The following EYA4 variants were observed in gnomAD, a reference collection of about 807,000 sequenced individuals.
EYA4 encodes EYA transcriptional coactivator and phosphatase 4, also known as protein phosphatase EYA4.
In EYA4, 31 loss-of-function variants were observed where a neutral mutation model predicts 87.9. The ratio of observed to expected loss-of-function variants is 0.35; its 90% CI spans 0.27 to 0.48. The LOEUF is 0.48. Ranked by LOEUF, EYA4 falls within the 20% of genes least tolerant of loss-of-function variation. EYA4 has a pLI of 0.99. For synonymous variants in EYA4, 263 were observed against 270.6 expected (o/e 0.97, Z 0.28); for missense variants, 678 against 761.4 (o/e 0.89, Z 1.29).
intron 11 of EYA4, among the ~76,000 whole-genome samples, chr6:133,480,461 C>A (rs1796107645): frequency 6.6e-6 from 1 of 152,122 alleles, no homozygotes; most frequent in African/African-American, 2.4e-5. Context: ...AGTGCTGCAG[C>A]CACTGGCCAC....
At chr6:133,302,263 C>T (rs1779469794) in intron 2 of EYA4, among the ~76,000 whole-genome samples, 1 of 151,936 alleles carries the variant, frequency 6.6e-6, no homozygotes, top group South Asian at 2.1e-4. Context: ...ATTTCTCTAG[C>T]AATGGTGTAG....
At chr6:133,334,248 A>G (rs896266660) in intron 2 of EYA4, among the ~76,000 whole-genome samples, 2 of 152,384 alleles carry the variant, frequency 1.3e-5, no homozygotes. Flanking sequence ...ATCCGATTTT[A>G]AAGACTAAAT....
At chr6:133,391,655 T>C (rs1184383152) in intron 3 of EYA4, among the ~76,000 whole-genome samples, 1 of 152,122 alleles carries the variant, frequency 6.6e-6, no homozygotes, top group Non-Finnish European at 1.5e-5. Flanking sequence ...ATTATCTCAG[T>C]TCCAGATTTC....
intron 2 of EYA4, among the ~76,000 whole-genome samples, chr6:133,342,498 G>A (rs9493599): frequency 0.096 from 13,888 of 144,376 alleles, 787 homozygotes; most frequent in South Asian, 0.14. Context: ...AGTGAGCTCT[G>A]AGCTTTGGTC....
chr6:133,495,371 T>A (rs983293555), intron 13 of EYA4, among the ~76,000 whole-genome samples: 1 of 147,972 alleles, frequency 6.8e-6, no homozygotes, highest in Non-Finnish European at 1.5e-5. Context: ...TATTTATAAA[T>A]AAATATAAAT....
Position 133,256,056 on chromosome 6 carries a change from A to T in EYA4, c.-66+14307A>T, listed in dbSNP as rs114837443. 5.6e-3 allele frequency among the ~76,000 whole-genome samples: 848 copies of T among 151,972 alleles called. 10 individuals are homozygous for T. The highest frequency in any genetic ancestry group is 0.019 in the African/African-American group (801 of 41,504). ...CTTTCTCACAAAAACCAGGTGCAAA[A>T]ATTTCAACTTAATTGAACCTTGTAA... On this transcript the variant is annotated intron_variant, in intron 1 of 19. Transcript: ENST00000355286.
chr6:133,463,435 C>T (rs765852153), intron 9 of EYA4, among the ~76,000 whole-genome samples: 4 of 144,568 alleles, frequency 2.8e-5, no homozygotes, highest in Non-Finnish European at 6.0e-5. Flanking sequence ...TCTTGGCTAA[C>T]TTGCAACCTC....
intron 3 of EYA4, among the ~76,000 whole-genome samples, chr6:133,433,243 G>C (rs535415706): frequency 6.6e-6 from 1 of 152,220 alleles, no homozygotes; most frequent in African/African-American, 2.4e-5. Flanking sequence ...TATAAGTTCT[G>C]TAGGCAAAAG....
At chr6:133,412,576 AT>A (rs754483397) in intron 3 of EYA4, among the ~76,000 whole-genome samples, 2 of 151,976 alleles carry the variant, frequency 1.3e-5, no homozygotes, top group Non-Finnish European at 2.9e-5. Flanking sequence ...AAATTTATGC[AT>A]TTTGCTATGT....
At chr6:133,505,235 A>G (rs910259044) in intron 13 of EYA4, among the ~76,000 whole-genome samples, 2 of 151,970 alleles carry the variant, frequency 1.3e-5, no homozygotes, top group Admixed American at 1.3e-4. Flanking sequence ...CCTATCCCCA[A>G]ATGCTCCTTT....
intron 2 of EYA4, 109 bp downstream of exon 2, chr6:133,274,922 T>A (rs926133339): frequency 2.3e-6 from 2 of 866,468 alleles, no homozygotes; most frequent in African/African-American, 1.7e-5. Flanking sequence ...AATATATTTT[T>A]AAATGATTTT....
chr6:133,302,576 C>G (rs1779495136), intron 2 of EYA4, among the ~76,000 whole-genome samples: 1 of 152,188 alleles, frequency 6.6e-6, no homozygotes, highest in Admixed American at 6.5e-5. Flanking sequence ...TAGCTCTTAG[C>G]TTCTGCAATG....
chr6:133,380,062 T>A (rs1786053089), intron 2 of EYA4, among the ~76,000 whole-genome samples: 1 of 152,174 alleles, frequency 6.6e-6, no homozygotes, highest in African/African-American at 2.4e-5. Context: ...ACTTTCTTCA[T>A]TGCCTTCTCC....
chr6:133,243,479 C>T (rs2128220087), intron 1 of EYA4, among the ~76,000 whole-genome samples: 1 of 152,188 alleles, frequency 6.6e-6, no homozygotes, highest in East Asian at 1.9e-4. Context: ...TTAACAACCG[C>T]GGGCTCCCCA....
chr6:133,441,068 T>G (rs1331430524), intron 3 of EYA4, among the ~76,000 whole-genome samples: 1 of 152,156 alleles, frequency 6.6e-6, no homozygotes, highest in Non-Finnish European at 1.5e-5. Flanking sequence ...TGGGAAAATT[T>G]TGACCATTAC....
At position 133,530,761 on chromosome 6, in the gene EYA4, C is replaced by T; in HGVS notation, c.*1956C>T. Reference sequence around the variant, plus strand: ...TCATTATCTAAACCTTAAACTTAATCCTTTAAATTTTGTAGCTTTTGGCTG... The same window carrying T: ...TCATTATCTAAACCTTAAACTTAATTCTTTAAATTTTGTAGCTTTTGGCTG... On this transcript the variant is annotated 3_prime_UTR_variant, in exon 20 of 20. Transcript: ENST00000355286. 1 of 986,370 alleles carries T rather than the reference C, an allele frequency of 1.0e-6. No individual in the cohort carries two copies. Among genetic ancestry groups the T allele is most frequent in the Non-Finnish European group, 1.2e-6 (1 of 830,184 alleles). 61.1% of individuals were successfully genotyped at this position (986,370 alleles called of 1,614,324 possible).
At chr6:133,511,428 A>G (rs1799126360) in intron 14 of EYA4, among the ~76,000 whole-genome samples, 1 of 151,982 alleles carries the variant, frequency 6.6e-6, no homozygotes, top group Non-Finnish European at 1.5e-5. Context: ...ATGCTAAACC[A>G]TACTTACTCT....
intron 1 of EYA4, among the ~76,000 whole-genome samples, chr6:133,244,815 A>G (rs1774274439): frequency 1.3e-5 from 2 of 152,076 alleles, no homozygotes; most frequent in African/African-American, 4.8e-5. Context: ...ATGGCTTGAT[A>G]TTTCATTTTA....
chr6:133,515,217 A>G (rs1295967884), intron 16 of EYA4, 104 bp from the exon 17 acceptor site: 11 of 751,522 alleles, frequency 1.5e-5, no homozygotes, highest in Non-Finnish European at 2.2e-5. Flanking sequence ...TTTCTGATAT[A>G]TACTGAAATA....
Sources: gnomAD v4.1 joint callset for allele counts (sites outside exome capture counted in the v4.1 genomes callset) on GRCh38, gnomAD v4.1.1 for gene constraint, MANE v1.5 for transcripts, NCBI Gene and HGNC (gene_info 2026-07-23, HGNC 2026-07-21) for gene names.